Variants in THOC2 observed in about 807,000 individuals in gnomAD.
THOC2 encodes the protein THO complex 2.
THOC2 carries 10 observed loss-of-function variants against 128.4 expected under a neutral mutation model. The ratio of observed to expected loss-of-function variants is 0.08; its 90% CI spans 0.05 to 0.13. The LOEUF is 0.13. THOC2 is among the 10% of genes least tolerant of loss of function. The pLI, the probability that THOC2 is intolerant of heterozygous loss-of-function variation, is 1.00. For missense variants in THOC2, 535 were observed against 1,155.7 expected, an observed-to-expected ratio of 0.46 and a Z score of 7.79; for synonymous variants, 393 against 396.9, an observed-to-expected ratio of 0.99 and a Z score of 0.12.
At chrX:123,646,722 T>C (rs1342443963) in intron 12 of THOC2, among the ~76,000 whole-genome samples, 1 of 111,812 alleles carries the variant, frequency 8.9e-6, no homozygotes, top group Admixed American at 9.5e-5. Context: ...TAAGTCAACA[T>C]ATATCCTGGT....
chrX:123,658,369 A>T (rs1304193540), intron 12 of THOC2, among the ~76,000 whole-genome samples: 1 of 111,921 alleles, frequency 8.9e-6, no homozygotes, highest in African/African-American at 3.2e-5. Flanking sequence ...TAGATCAAAA[A>T]CCTAGGTCCA....
At chrX:123,662,537 G>A (rs982380552) in intron 12 of THOC2, among the ~76,000 whole-genome samples, 3 of 100,337 alleles carry the variant, frequency 3.0e-5, no homozygotes, top group Non-Finnish European at 4.0e-5. Context: ...GCAGTGAGCC[G>A]AGATCGCGCC....
chrX:123,718,543 T>G (rs1322883578), intron 1 of THOC2, among the ~76,000 whole-genome samples: 1 of 111,431 alleles, frequency 9.0e-6, no homozygotes, highest in Non-Finnish European at 1.9e-5. Flanking sequence ...GCAGATAATC[T>G]GAGGTCAGAA....
intron 12 of THOC2, among the ~76,000 whole-genome samples, chrX:123,656,867 G>A (rs780304879): frequency 1.2e-4 from 13 of 109,537 alleles, no homozygotes; most frequent in Non-Finnish European, 2.5e-4. Flanking sequence ...AAAATTAGCT[G>A]GGTGTGGTGG....
chrX:123,692,219 G>A (rs999178555), intron 7 of THOC2, among the ~76,000 whole-genome samples: 1 of 111,947 alleles, frequency 8.9e-6, no homozygotes, highest in Non-Finnish European at 1.9e-5. Flanking sequence ...GAGTCCACCT[G>A]TGATATCCTT....
At chrX:123,660,736 A>G (rs2048790676) in intron 12 of THOC2, among the ~76,000 whole-genome samples, 1 of 112,496 alleles carries the variant, frequency 8.9e-6, no homozygotes, top group Non-Finnish European at 1.9e-5. Context: ...TAAATTTTTT[A>G]CTGGTACAAA....
At chrX:123,666,145 C>A (rs906973737) in intron 11 of THOC2, among the ~76,000 whole-genome samples, 2 of 111,905 alleles carry the variant, frequency 1.8e-5, no homozygotes, top group African/African-American at 6.5e-5. Context: ...TTAACACACA[C>A]CATCTGAATC....
chrX:123,620,936 G>A lies in THOC2; in HGVS notation c.4246C>T (p.Pro1416Ser). The A allele has an allele frequency of 8.3e-7, 1 of 1,210,243 alleles. No homozygotes were observed. The part of the protein sequence containing the change: ...EQKRRKIDTH[P>S]SPSHSSTVKD... ...ACTGTGGAGGAATGTGATGGAGAAG[G>A]GTGAGTATCAATTTTGCGGCGTTTT... Residue 1416 changes from proline to serine, a missense_variant, in exon 32 of 39, where the codon CCT (proline) becomes TCT (serine). Physicochemically the swap from Pro to Ser is moderately conservative, Grantham distance 74. Around this residue, in one of 9 missense-constraint regions of THOC2, gnomAD observed 116 missense variants for 180.0 expected, o/e 0.64. Transcript: ENST00000245838.
intron 23 of THOC2, 37 bp from the exon 24 acceptor site, chrX:123,626,699 T>G (rs370336566): frequency 5.7e-5 from 64 of 1,127,023 alleles, no homozygotes; most frequent in Non-Finnish European, 7.0e-5. Flanking sequence ...TCTAACTATA[T>G]GCACATTACC....
intron 1 of THOC2, among the ~76,000 whole-genome samples, chrX:123,715,831 TA>T (rs1275241043): frequency 2.8e-5 from 3 of 105,730 alleles, no homozygotes; most frequent in Non-Finnish European, 5.9e-5. Context: ...TCAATAAAAT[TA>T]AGAGTTTTTT....
In THOC2 at chrX:123,638,056, T is replaced by C. The variant is rs780305796; in HGVS notation, c.1908A>G (p.Ser636=). 24 of 1,192,246 alleles carry C rather than the reference T, an allele frequency of 2.0e-5. No individual in the cohort carries two copies. The highest frequency in any genetic ancestry group is 2.5e-5 in the Non-Finnish European group (22 of 882,720). The change falls in exon 18 of 39, where the codon TCA becomes TCG. Residue 636 remains serine, a synonymous_variant. Coordinates refer to ENST00000245838, the MANE Select transcript of THOC2 (RefSeq NM_001081550.2). Reference sequence around the variant, plus strand: ...AAAAATACTTACTCTGAAGCCAGCTTGAGATGGTTGTGTCATCATGTTTCA... The same window carrying C: ...AAAAATACTTACTCTGAAGCCAGCTCGAGATGGTTGTGTCATCATGTTTCA... The part of the protein sequence containing the change: ...ERMKHDDTTI[S]SWLQSLASFC...
chrX:123,639,211 C>T (rs1294322991), intron 16 of THOC2, among the ~76,000 whole-genome samples, 184 bp from the exon 17 acceptor site: 1 of 111,349 alleles, frequency 9.0e-6, no homozygotes, highest in Non-Finnish European at 1.9e-5. Context: ...ATAGAAATTA[C>T]TATTTTATCA....
At chrX:123,702,498 T>C (rs1456210334) in intron 4 of THOC2, among the ~76,000 whole-genome samples, 1 of 105,273 alleles carries the variant, frequency 9.5e-6, no homozygotes, top group Non-Finnish European at 1.9e-5. Context: ...CAGATATATA[T>C]AAAATACATA....
chrX:123,696,637 C>T (rs2050458376), intron 6 of THOC2, 84 bp downstream of exon 6: 1 of 946,913 alleles, frequency 1.1e-6, no homozygotes, highest in East Asian at 3.4e-5. Flanking sequence ...CTTCAAAGTC[C>T]CCTTAGAAGC....
At chrX:123,664,334 A>G (rs767287725) in intron 12 of THOC2, among the ~76,000 whole-genome samples, 2 of 112,399 alleles carry the variant, frequency 1.8e-5, no homozygotes, top group East Asian at 5.6e-4. Flanking sequence ...AGCAATGGCA[A>G]CAAAAGCCAA....
At chrX:123,668,915 T>A (rs1314748407) in intron 9 of THOC2, among the ~76,000 whole-genome samples, 1 of 111,635 alleles carries the variant, frequency 9.0e-6, no homozygotes. Flanking sequence ...GGCTCAAGTA[T>A]CTCAAACAGT....
rs761579225 is a variant in THOC2 at position 123,668,235 on chromosome X, G to A, written c.941C>T (p.Thr314Met). ...AEAKQIVRKL[T>M]MVVLSSEKMD... ...TTTTTCAGAAGACAACACAACCATC[G>A]TAAGCTTTCTAACAATTTGCTTAGC... The change falls in exon 10 of 39, where the codon ACG becomes ATG. Residue 314 changes from threonine (T) to methionine (M), a missense_variant. This residue lies in a region of THOC2 where 197 missense variants were observed against 313.4 expected (regional missense o/e 0.63). Coordinates refer to ENST00000245838, the MANE Select transcript of THOC2 (RefSeq NM_001081550.2). 1.8e-5 allele frequency: 22 copies of A among 1,197,997 alleles called. No individual in the cohort carries two copies. The highest frequency in any genetic ancestry group is 2.1e-5 in the Non-Finnish European group (19 of 887,474).
At chrX:123,603,696 A>G (rs755395854) in intron 38 of THOC2, 53 of 437,417 alleles carry the variant, frequency 1.2e-4, no homozygotes, top group South Asian at 2.0e-4. Flanking sequence ...TGACGCACGG[A>G]GCTTTGGCAT....
chrX:123,641,241 C>T (rs1210602136), intron 15 of THOC2, among the ~76,000 whole-genome samples: 5 of 111,800 alleles, frequency 4.5e-5, no homozygotes, highest in Admixed American at 3.8e-4. Context: ...TCTTACAGTT[C>T]AAAACAATTA....
Sources: gnomAD v4.1 joint callset for allele counts (sites outside exome capture counted in the v4.1 genomes callset) on GRCh38, gnomAD v4.1.1 for gene constraint, gnomAD v4.1.1 regional missense constraint, MANE v1.5 for transcripts, NCBI Gene and HGNC (gene_info 2026-07-23, HGNC 2026-07-21) for gene names.